NACC2: variants seen among roughly 807,000 people sequenced by gnomAD.
NACC2 encodes the protein NACC family member 2, also known as nucleus accumbens-associated protein 2.
In NACC2, 8 loss-of-function variants were observed where a neutral mutation model predicts 25.1. That is an observed-to-expected ratio of 0.32 (90% CI 0.19 to 0.57). NACC2 has a LOEUF of 0.57. Among genes scored for constraint, NACC2 ranks in the 20% least tolerant of loss-of-function variants. The probability of loss-of-function intolerance (pLI) is 0.89; values close to 1 mark genes in which losing one functional copy is unlikely to be tolerated. For missense variants in NACC2, 644 were observed against 650.2 expected, an observed-to-expected ratio of 0.99 and a Z score of 0.10; for synonymous variants, 435 against 294.7, an observed-to-expected ratio of 1.48 and a Z score of -4.88.
chr9:136,016,246 G>A lies in NACC2; in HGVS notation c.1051+19C>T, dbSNP rs1352596168. ...ATGAGGACATTTGCATACAATAGATGGGTGGGAGGCAGCCTCACCTGCCAC... is the reference window on the plus strand; with the variant it reads ...ATGAGGACATTTGCATACAATAGATAGGTGGGAGGCAGCCTCACCTGCCAC... On this transcript the variant is annotated intron_variant, in intron 3 of 5. Coordinates refer to ENST00000277554, the MANE Select transcript of NACC2 (RefSeq NM_144653.5). 2.5e-6 allele frequency: 4 copies of A among 1,612,006 alleles called. No homozygotes were observed. Among genetic ancestry groups the A allele is most frequent in the Admixed American group, 3.3e-5 (2 of 60,002 alleles).
At chr9:136,093,802 T>G (rs1199680305) in intron 1 of NACC2, among the ~76,000 whole-genome samples, 8 of 57,682 alleles carry the variant, frequency 1.4e-4, no homozygotes, top group South Asian at 1.1e-3. Flanking sequence ...GAAGAAGGGG[T>G]GGGTGGCTGA....
intron 1 of NACC2, among the ~76,000 whole-genome samples, chr9:136,063,150 T>C (rs1841035901): frequency 6.6e-6 from 1 of 152,210 alleles, no homozygotes; most frequent in Non-Finnish European, 1.5e-5. Flanking sequence ...GTCTCTCTCC[T>C]GTCAAACGTG....
rs1017759522 is a variant in NACC2, at chr9:136,027,237, A to C, written c.887-10808T>G. ...AAGACTCTGTCTCAAAACAAACAAAAAAAATTAATGTTTGTGAAGAATGAA... is the reference window on the plus strand; with the variant it reads ...AAGACTCTGTCTCAAAACAAACAAACAAAATTAATGTTTGTGAAGAATGAA... On this transcript the variant is annotated intron_variant, in intron 2 of 5. Coordinates refer to ENST00000277554, the MANE Select transcript of NACC2 (RefSeq NM_144653.5). Among the ~76,000 whole-genome samples the C allele has an allele frequency of 4.6e-5, 7 of 152,226 alleles. 1 individual carries two copies. The East Asian group carries it at 5.8e-4, about 13-fold the overall frequency.
intron 2 of NACC2, among the ~76,000 whole-genome samples, chr9:136,043,804 T>C (rs1442700439): frequency 1.3e-5 from 2 of 152,192 alleles, no homozygotes; most frequent in African/African-American, 4.8e-5. Flanking sequence ...TGGCACACTT[T>C]GTAAAGGATA....
intron 1 of NACC2, among the ~76,000 whole-genome samples, chr9:136,066,688 G>GT (rs1358980102): frequency 2.0e-5 from 3 of 152,178 alleles, no homozygotes; most frequent in East Asian, 1.9e-4. Context: ...TGTTTGGAGT[G>GT]TCCTAGCAGT....
rs1229822120 is a variant in NACC2 at position 136,049,969 on chromosome 9, G to T, written c.553C>A (p.Pro185Thr). 2 of 630,176 alleles carry T rather than the reference G, an allele frequency of 3.2e-6. No individual in the cohort carries two copies. Among genetic ancestry groups the T allele is most frequent in the Non-Finnish European group, 5.7e-6 (2 of 353,084 alleles). 39.0% of individuals were successfully genotyped at this position (630,176 alleles called of 1,614,324 possible). Residue 185 changes from proline (P) to threonine (T), a missense_variant, in exon 2 of 6, where the codon CCA becomes ACA. Transcript: ENST00000277554. ...AGCGGGCGCTTGGGGGCCAGGCCTG[G>T]GCCGGCCGGCGGCAGCTCCATGGCT... ...HEAMELPPAG[P>T]GLAPKRPLET...
chr9:136,039,791 T>G (rs1233990809), intron 2 of NACC2, among the ~76,000 whole-genome samples: 3 of 152,106 alleles, frequency 2.0e-5, no homozygotes, highest in African/African-American at 4.8e-5. Flanking sequence ...AAACTACAAG[T>G]GACATCACAC....
chr9:136,021,067 T>A (rs1840283894), intron 2 of NACC2, among the ~76,000 whole-genome samples: 1 of 152,062 alleles, frequency 6.6e-6, no homozygotes, highest in Non-Finnish European at 1.5e-5. Flanking sequence ...AAACTTCCGA[T>A]CTCTGAATGA....
At chr9:136,044,571 GGGT>G (rs1208149529) in intron 2 of NACC2, among the ~76,000 whole-genome samples, 1 of 152,154 alleles carries the variant, frequency 6.6e-6, no homozygotes, top group Admixed American at 6.5e-5. Context: ...TCTGCTCCCT[GGGT>G]GGTGGTGGGG....
intron 1 of NACC2, among the ~76,000 whole-genome samples, chr9:136,053,479 CAG>C (rs1840878691): frequency 6.6e-6 from 1 of 152,160 alleles, no homozygotes; most frequent in Admixed American, 6.5e-5. Flanking sequence ...CCAGGAGACA[CAG>C]GGCCCAGCTG....
At chr9:136,082,402 A>G (rs116020496) in intron 1 of NACC2, among the ~76,000 whole-genome samples, 2,135 of 152,262 alleles carry the variant, frequency 0.014, 41 homozygotes, top group African/African-American at 0.048. Flanking sequence ...CTGCCTCCCC[A>G]CCATGCCTGT....
At chr9:136,021,333 C>T (rs1333377138) in intron 2 of NACC2, among the ~76,000 whole-genome samples, 2 of 140,612 alleles carry the variant, frequency 1.4e-5, no homozygotes, top group African/African-American at 6.2e-5. Flanking sequence ...TGCGGTCCCA[C>T]CTCCCAGTGC....
chr9:136,028,951 T>G (rs1392970983), intron 2 of NACC2, among the ~76,000 whole-genome samples: 1 of 152,160 alleles, frequency 6.6e-6, no homozygotes, highest in East Asian at 1.9e-4. Context: ...TTGGGCACCG[T>G]CGAGCACAAG....
intron 2 of NACC2, among the ~76,000 whole-genome samples, chr9:136,024,372 GTGT>G: frequency 2.1e-5 from 3 of 142,112 alleles, no homozygotes; most frequent in African/African-American, 8.6e-5. Flanking sequence ...AGGACAGAAG[GTGT>G]GTGTGTGAGG....
At chr9:136,076,355 T>A (rs533417430) in intron 1 of NACC2, among the ~76,000 whole-genome samples, 2 of 152,228 alleles carry the variant, frequency 1.3e-5, no homozygotes, top group African/African-American at 4.8e-5. Context: ...TTCCTGCCCA[T>A]ACCACGACAA....
At chr9:136,076,394 C>T (rs1262046834) in intron 1 of NACC2, among the ~76,000 whole-genome samples, 1 of 152,200 alleles carries the variant, frequency 6.6e-6, no homozygotes, top group Non-Finnish European at 1.5e-5. Flanking sequence ...ATGCACCCCC[C>T]AGCCCGGTGA....
chr9:136,077,364 AAC>A (rs1179447897), intron 1 of NACC2, among the ~76,000 whole-genome samples: 1 of 152,122 alleles, frequency 6.6e-6, no homozygotes, highest in Non-Finnish European at 1.5e-5. Flanking sequence ...GCAGAAGAGA[AAC>A]ATGGCCTTTG....
At chr9:136,025,614 TAAAA>T (rs942237535) in intron 2 of NACC2, among the ~76,000 whole-genome samples, 1 of 139,146 alleles carries the variant, frequency 7.2e-6, no homozygotes, top group Non-Finnish European at 1.6e-5. Flanking sequence ...TAAGTCCTAT[TAAAA>T]AAAAAAAAAA....
chr9:136,048,966 A>G (rs984001909), intron 2 of NACC2, among the ~76,000 whole-genome samples: 3 of 152,170 alleles, frequency 2.0e-5, no homozygotes, highest in Admixed American at 2.0e-4. Flanking sequence ...TGGCCAGCCC[A>G]GACACACAGT....
Sources: gnomAD v4.1 joint callset for allele counts (sites outside exome capture counted in the v4.1 genomes callset) on GRCh38, gnomAD v4.1.1 for gene constraint, MANE v1.5 for transcripts, NCBI Gene and HGNC (gene_info 2026-07-23, HGNC 2026-07-21) for gene names.